MACROD2: variants seen among roughly 807,000 people sequenced by gnomAD.
The protein encoded by MACROD2 is ADP-ribose glycohydrolase MACROD2.
A neutral mutation model predicts 70.4 loss-of-function variants in MACROD2; 36 were observed. The observed-to-expected ratio is 0.51, with a 90% CI of 0.39 to 0.68. The LOEUF (loss-of-function observed/expected upper bound fraction) is 0.68. Among genes scored for constraint, MACROD2 ranks in the 30% least tolerant of loss-of-function variants. The pLI is 0.00. For missense variants in MACROD2, 496 were observed against 538.4 expected, an observed-to-expected ratio of 0.92 and a Z score of 0.78; for synonymous variants, 172 against 178.8, an observed-to-expected ratio of 0.96 and a Z score of 0.30.
At chr20:15,523,042 A>C (rs1385868753) in intron 8 of MACROD2, among the ~76,000 whole-genome samples, 1 of 152,212 alleles carries the variant, frequency 6.6e-6, no homozygotes, top group East Asian at 1.9e-4. Flanking sequence ...ATAAGTAGGC[A>C]GCTAGAGGGA....
rs74886784 is a variant in MACROD2, at chr20:15,198,655, T to C, written c.419-31285T>C. On this transcript the variant is annotated intron_variant, in intron 5 of 17. Coordinates refer to ENST00000684519, the MANE Select transcript of MACROD2 (RefSeq NM_001351661.2). Reference sequence around the variant, plus strand: ...ATAATATTCCTTTGGGTTAATGGACTATAATTCATTTCACTGCTCCCTTGT... The same window carrying C: ...ATAATATTCCTTTGGGTTAATGGACCATAATTCATTTCACTGCTCCCTTGT... Among the ~76,000 whole-genome samples the C allele has an allele frequency of 7.9e-5, 12 of 152,334 alleles. No homozygotes were observed. The East Asian group carries it at 2.3e-3, about 29-fold the overall frequency.
chr20:15,194,721 A>G (rs1207210963), intron 5 of MACROD2, among the ~76,000 whole-genome samples: 2 of 152,174 alleles, frequency 1.3e-5, no homozygotes, highest in Non-Finnish European at 2.9e-5. Flanking sequence ...AAATGCTATT[A>G]TCTAACCTTT....
chr20:14,008,132 C>A (rs184424158), intron 2 of MACROD2, among the ~76,000 whole-genome samples: 65 of 152,146 alleles, frequency 4.3e-4, no homozygotes, highest in Middle Eastern at 3.4e-3. Context: ...GGTAATCAGG[C>A]AAGAGAATGA....
At chr20:14,734,209 C>T (rs1276244296) in intron 5 of MACROD2, among the ~76,000 whole-genome samples, 1 of 151,706 alleles carries the variant, frequency 6.6e-6, no homozygotes, top group African/African-American at 2.4e-5. Context: ...TTAAAATTAA[C>T]AATAAGGGGC....
At chr20:14,143,220 G>A (rs1027039065) in intron 3 of MACROD2, among the ~76,000 whole-genome samples, 2 of 152,148 alleles carry the variant, frequency 1.3e-5, no homozygotes, top group Non-Finnish European at 2.9e-5. Flanking sequence ...TTCCTTGAAA[G>A]GGTACTTGTT....
In MACROD2 at chr20:14,304,458, C is replaced by T. The variant is rs2082502760; in HGVS notation, c.272-189021C>T. 2.0e-5 allele frequency among the ~76,000 whole-genome samples: 3 copies of T among 152,344 alleles called. No individual in the cohort carries two copies. The South Asian group carries it at 6.2e-4, about 32-fold the overall frequency. ...TGCCTTAGAATATTTAGTAGACATA[C>T]TGTGCCTCTGGTTCAGACTGAAATT... On this transcript the variant is annotated intron_variant, in intron 3 of 17. Coordinates refer to ENST00000684519, the MANE Select transcript of MACROD2 (RefSeq NM_001351661.2).
chr20:14,100,503 A>G (rs1227817716), intron 3 of MACROD2, among the ~76,000 whole-genome samples: 1 of 149,182 alleles, frequency 6.7e-6, no homozygotes, highest in African/African-American at 2.4e-5. Flanking sequence ...GAAAATATAG[A>G]ATAGTATAAA....
At chr20:15,652,369 C>A (rs2049658179) in intron 8 of MACROD2, among the ~76,000 whole-genome samples, 1 of 152,234 alleles carries the variant, frequency 6.6e-6, no homozygotes, top group Non-Finnish European at 1.5e-5. Flanking sequence ...CAAGTTAATT[C>A]TTTTCATCTT....
intron 5 of MACROD2, among the ~76,000 whole-genome samples, chr20:14,941,779 T>C (rs1255296219): frequency 1.4e-5 from 2 of 142,348 alleles, no homozygotes; most frequent in African/African-American, 5.7e-5. Flanking sequence ...TCTTTCTCTC[T>C]CTCTTTTTTT....
At chr20:14,517,426 G>C (rs1016518159) in intron 4 of MACROD2, among the ~76,000 whole-genome samples, 9 of 152,076 alleles carry the variant, frequency 5.9e-5, no homozygotes, top group Non-Finnish European at 1.2e-4. Context: ...TCTCAGCAAA[G>C]TAACACAGGA....
rs1393920391 is a variant in MACROD2, at chr20:15,473,791, T to C, written c.572-25983T>C. On this transcript the variant is annotated intron_variant, in intron 7 of 17. Coordinates refer to ENST00000684519, the MANE Select transcript of MACROD2 (RefSeq NM_001351661.2). Reference sequence around the variant, plus strand: ...CCTTTCTCTAGTCCCAGTTTGCTTTTCTCTTCACAAGTGATATCCACGTGG... The same window carrying C: ...CCTTTCTCTAGTCCCAGTTTGCTTTCCTCTTCACAAGTGATATCCACGTGG... Among the ~76,000 whole-genome samples the C allele has an allele frequency of 2.6e-5, 4 of 152,222 alleles. No individual in the cohort carries two copies. In the East Asian group the frequency reaches 7.7e-4, roughly 29 times the overall value.
intron 4 of MACROD2, among the ~76,000 whole-genome samples, chr20:14,619,509 AGG>A (rs1983702650): frequency 3.5e-5 from 4 of 113,154 alleles, no homozygotes; most frequent in South Asian, 3.7e-4. Flanking sequence ...GGAAGGAAGG[AGG>A]AAAGGAGGGA....
At chr20:15,880,606 A>C (rs1196027422) in intron 9 of MACROD2, among the ~76,000 whole-genome samples, 3 of 152,006 alleles carry the variant, frequency 2.0e-5, no homozygotes, top group African/African-American at 7.2e-5. Flanking sequence ...GGGAGATAGT[A>C]CAGAACATGC....
intron 8 of MACROD2, among the ~76,000 whole-genome samples, chr20:15,627,019 A>C (rs565458524): frequency 6.6e-6 from 1 of 152,304 alleles, no homozygotes; most frequent in South Asian, 2.1e-4. Context: ...AAGGAAACAC[A>C]GAATTAGCAA....
At chr20:15,620,418 G>A (rs1349395588) in intron 8 of MACROD2, among the ~76,000 whole-genome samples, 3 of 152,108 alleles carry the variant, frequency 2.0e-5, no homozygotes, top group Admixed American at 6.6e-5. Flanking sequence ...AAATAAAAGG[G>A]CAATTACAAC....
rs2074333677 is a variant in MACROD2, at chr20:14,935,548, G to T, written c.418+250589G>T. ...ATATAACCACTTCAACACAAGGCATGTGCTGGACACCTTTTTAGAATTTAT... is the reference window on the plus strand; with the variant it reads ...ATATAACCACTTCAACACAAGGCATTTGCTGGACACCTTTTTAGAATTTAT... On this transcript the variant is annotated intron_variant, in intron 5 of 17. Coordinates refer to ENST00000684519, the MANE Select transcript of MACROD2 (RefSeq NM_001351661.2). Among the ~76,000 whole-genome samples the T allele has an allele frequency of 1.3e-5, 2 of 152,198 alleles. 1 individual carries two copies. Among genetic ancestry groups the T allele is most frequent in the South Asian group, 4.1e-4 (2 of 4,832 alleles).
chr20:15,886,752 T>C (rs1235732650), intron 10 of MACROD2, among the ~76,000 whole-genome samples: 1 of 152,120 alleles, frequency 6.6e-6, no homozygotes, highest in Non-Finnish European at 1.5e-5. Flanking sequence ...TATCAATTAT[T>C]GACCTTAGGC....
chr20:14,860,680 A>G (rs934362715), intron 5 of MACROD2, among the ~76,000 whole-genome samples: 1 of 152,128 alleles, frequency 6.6e-6, no homozygotes, highest in Non-Finnish European at 1.5e-5. Flanking sequence ...ATCCTTTCAC[A>G]TAAAAGAGGG....
chr20:15,174,060 G>A (rs28696952), intron 5 of MACROD2, among the ~76,000 whole-genome samples: 22,822 of 152,088 alleles, frequency 0.15, 2,484 homozygotes, highest in African/African-American at 0.31. Context: ...CATTGCTAAA[G>A]CCCAAACATA....
Sources: allele counts gnomAD v4.1 joint callset (sites outside exome capture counted in the v4.1 genomes callset), GRCh38; gene constraint gnomAD v4.1.1; transcripts MANE v1.5; gene names NCBI Gene and HGNC (gene_info 2026-07-23, HGNC 2026-07-21).